ZNF652: variants seen among roughly 807,000 people sequenced by gnomAD.
ZNF652 encodes the protein zinc finger protein 652.
In ZNF652, 16 loss-of-function variants were observed where a neutral mutation model predicts 45.2. The ratio of observed to expected loss-of-function variants is 0.35; its 90% CI spans 0.24 to 0.54. The LOEUF is 0.54. ZNF652 is among the 20% of genes least tolerant of loss of function. The pLI, the probability that ZNF652 is intolerant of heterozygous loss-of-function variation, is 0.91. For missense variants in ZNF652, 614 were observed against 765.6 expected (o/e 0.80, Z 2.34); for synonymous variants, 250 against 260.6 (o/e 0.96, Z 0.39).
Position 49,311,594 on chromosome 17 carries a change from T to A in ZNF652, c.1165-138A>T, listed in dbSNP as rs899450870. ...GCTTGTGTCAGCTATTTGGCTTTGC[T>A]ATATTTCTGCAGGTGAGTTACTAAT... On this transcript the variant is annotated intron_variant, in intron 4 of 5. Transcript: ENST00000430262. The A allele has an allele frequency of 5.1e-6, 5 of 988,484 alleles. No individual in the cohort carries two copies. The African/African-American group carries it at 8.1e-5, about 16-fold the overall frequency. 61.2% of individuals were successfully genotyped at this position (988,484 alleles called of 1,614,324 possible).
chr17:49,312,616 A>C, intron 3 of ZNF652, 82 bp downstream of exon 3: 2 of 1,479,222 alleles, frequency 1.4e-6, no homozygotes, highest in Non-Finnish European at 1.8e-6. Context: ...GCAATTCCTC[A>C]TATCCTGCCC....
Position 49,351,014 on chromosome 17 carries a change from TACACACACACACACACACACACAC to T in ZNF652, c.-259+10871_-259+10894del, listed in dbSNP as rs370792940. ...ATATATATATATATATATATATATA[TACACACACACACACACACACACAC>T]ACACACACACACACACATATTTTTA... On this transcript the variant is annotated intron_variant, in intron 1 of 5. Transcript: ENST00000430262. Among the ~76,000 whole-genome samples, 3 of 29,732 alleles carry T rather than the reference TACACACACACACACACACACACAC, an allele frequency of 1.0e-4. 1 individual carries two copies. Among genetic ancestry groups the T allele is most frequent in the African/African-American group, 3.4e-4 (3 of 8,946 alleles). The allele number at this position is 29,732 out of a possible 152,430, so 19.5% of individuals were successfully genotyped here. A position where few individuals can be genotyped will look rare whatever the true frequency, so the allele number is the denominator to read the frequency against.
chr17:49,303,017 T>C (rs2069575727), intron 5 of ZNF652, among the ~76,000 whole-genome samples: 1 of 151,188 alleles, frequency 6.6e-6, no homozygotes, highest in African/African-American at 2.4e-5. Flanking sequence ...CTTTTAAAAA[T>C]ATATATACAT....
rs1367813716 is a variant in ZNF652 at position 49,342,561 on chromosome 17, G to A, written c.-259+19348C>T. ...ATGCCAGATAACAGATAAAGGGGGG[G>A]GGGGGGGGGGAATCAATACATTTTC... On this transcript the variant is annotated intron_variant, in intron 1 of 5. Coordinates refer to ENST00000430262, the MANE Select transcript of ZNF652 (RefSeq NM_001145365.3). Among the ~76,000 whole-genome samples, 15 of 139,900 alleles carry A rather than the reference G, an allele frequency of 1.1e-4. 1 individual carries two copies. The highest frequency in any genetic ancestry group is 5.6e-4 in the South Asian group (2 of 3,566). 91.8% of individuals were successfully genotyped at this position (139,900 alleles called of 152,430 possible).
At chr17:49,310,102 C>CA (rs1490044018) in intron 5 of ZNF652, among the ~76,000 whole-genome samples, 1 of 152,166 alleles carries the variant, frequency 6.6e-6, no homozygotes, top group East Asian at 1.9e-4. Flanking sequence ...CACAGGCGCC[C>CA]ACCACCATGC....
Position 49,298,517 on chromosome 17 carries a change from G to A in ZNF652, c.1717C>T (p.Pro573Ser). ...GGCTCACTCTTAAAGAGAGCTGGAG[G>A]TGGCGGGAGGTGAGGGACTGGAGGG... is the stretch of plus-strand genomic sequence containing the variant. Reference protein sequence around the residue: ...PIPPVPHLPPPPALFKSEPLN... With the variant: ...PIPPVPHLPPSPALFKSEPLN... Residue 573 changes from proline (P) to serine (S), a missense_variant, in exon 6 of 6, where the codon CCT (proline) becomes TCT (serine). Pro to Ser is a moderately conservative substitution (Grantham distance 74). Around this residue, in one of 5 missense-constraint regions of ZNF652, gnomAD observed 132 missense variants for 137.2 expected, o/e 0.96. Coordinates refer to ENST00000430262, the MANE Select transcript of ZNF652 (RefSeq NM_001145365.3). 6.2e-7 allele frequency: 1 copy of A among 1,612,888 alleles called. No individual in the cohort carries two copies. Among genetic ancestry groups the A allele is most frequent in the East Asian group, 2.2e-5 (1 of 44,856 alleles).
chr17:49,333,545 TA>T (rs1182199037), intron 1 of ZNF652, among the ~76,000 whole-genome samples: 1,344 of 48,068 alleles, frequency 0.028, 48 homozygotes, highest in African/African-American at 0.12. Flanking sequence ...CTGTCTCTAC[TA>T]AAAAAAAAAA....
chr17:49,328,922 T>C (rs1376093487), intron 1 of ZNF652, among the ~76,000 whole-genome samples: 1 of 152,262 alleles, frequency 6.6e-6, no homozygotes, highest in Non-Finnish European at 1.5e-5. Flanking sequence ...TTCTAACTCC[T>C]AGTCCAAGTT....
chr17:49,355,084 T>C (rs762380446), intron 1 of ZNF652, among the ~76,000 whole-genome samples: 8 of 152,106 alleles, frequency 5.3e-5, no homozygotes, highest in Non-Finnish European at 1.2e-4. Flanking sequence ...CATCAACCAA[T>C]TGATTGACAG....
rs1321991366 is a variant in ZNF652 at position 49,294,433 on chromosome 17, G to A, written c.*3980C>T. On this transcript the variant is annotated 3_prime_UTR_variant, in exon 6 of 6. Coordinates refer to ENST00000430262, the MANE Select transcript of ZNF652 (RefSeq NM_001145365.3). ...TTTGAACTAAAGTTTTTTTTGTGGC[G>A]ATCTCCCCTCTTGCTAAAAATAAGA... 3 of 151,930 alleles carry A rather than the reference G, an allele frequency of 2.0e-5. No homozygotes were observed. Among genetic ancestry groups the A allele is most frequent in the African/African-American group, 7.3e-5 (3 of 41,374 alleles). 9.4% of individuals were successfully genotyped at this position (151,930 alleles called of 1,614,324 possible).
chr17:49,291,783 G>A lies in ZNF652; in HGVS notation c.*6630C>T, dbSNP rs139849448. 1.1e-4 allele frequency: 16 copies of A among 152,314 alleles called. No individual in the cohort carries two copies. The highest frequency in any genetic ancestry group is 3.1e-4 in the African/African-American group (13 of 41,578). The allele number at this position is 152,314 out of a possible 1,614,324, so 9.4% of individuals were successfully genotyped here. On this transcript the variant is annotated 3_prime_UTR_variant, in exon 6 of 6. Transcript: ENST00000430262. ...AAACTTCTAGATCAATAATGAGGAA[G>A]AAACATCATGGCAAATCAAGTGAAA...
intron 1 of ZNF652, among the ~76,000 whole-genome samples, chr17:49,318,833 A>G (rs1213929418): frequency 6.6e-6 from 1 of 152,248 alleles, no homozygotes; most frequent in African/African-American, 2.4e-5. Flanking sequence ...GCTAATTGAC[A>G]TAACTATAGA....
chr17:49,312,781 T>C lies in ZNF652; in HGVS notation c.965A>G (p.His322Arg), dbSNP rs2069734780. The C allele has an allele frequency of 6.2e-7, 1 of 1,614,184 alleles. No individual in the cohort carries two copies. The highest frequency in any genetic ancestry group is 8.5e-7 in the Non-Finnish European group (1 of 1,179,998). Residue 322 changes from histidine (H) to arginine (R), a missense_variant, in exon 3 of 6, where the codon CAT becomes CGT. Transcript: ENST00000430262. ...WSLHEHIKIV[H>R]GYAEKKFSCE... is the part of the protein sequence containing the mutation. ...GGAAAATTTCTTTTCTGCATATCCA[T>C]GGACGATCTTGATATGTTCATGAAG...
chr17:49,327,942 A>G (rs988529019), intron 1 of ZNF652, among the ~76,000 whole-genome samples: 2 of 151,610 alleles, frequency 1.3e-5, no homozygotes, highest in African/African-American at 2.4e-5. Flanking sequence ...AAAACACAGT[A>G]TAGCAGTTAA....
chr17:49,333,698 C>T (rs1206902917), intron 1 of ZNF652, among the ~76,000 whole-genome samples: 9 of 127,230 alleles, frequency 7.1e-5, no homozygotes, highest in East Asian at 2.2e-4. Context: ...CCAGCCTGGG[C>T]GACAGAGTGA....
intron 3 of ZNF652, among the ~76,000 whole-genome samples, chr17:49,312,363 G>A (rs750776383): frequency 6.6e-6 from 1 of 151,638 alleles, no homozygotes; most frequent in African/African-American, 2.4e-5. Context: ...ACAGGGTTTC[G>A]CCACGTTTGC....
At chr17:49,352,758 G>T (rs2070295585) in intron 1 of ZNF652, among the ~76,000 whole-genome samples, 1 of 152,154 alleles carries the variant, frequency 6.6e-6, no homozygotes, top group African/African-American at 2.4e-5. Context: ...GAATGTACGT[G>T]ATCTGTGGTA....
At chr17:49,336,688 G>A (rs1598307187) in intron 1 of ZNF652, among the ~76,000 whole-genome samples, 4 of 150,238 alleles carry the variant, frequency 2.7e-5, no homozygotes, top group Middle Eastern at 6.8e-3. Context: ...GTACAAAGAC[G>A]CAATCTCGGC....
intron 5 of ZNF652, among the ~76,000 whole-genome samples, chr17:49,307,669 T>C (rs562177172): frequency 2.0e-5 from 3 of 151,462 alleles, no homozygotes; most frequent in Admixed American, 6.6e-5. Context: ...GGAGAATCGC[T>C]TGAACATGGG....
Sources: allele counts gnomAD v4.1 joint callset (sites outside exome capture counted in the v4.1 genomes callset), GRCh38; gene constraint gnomAD v4.1.1; regional missense constraint gnomAD v4.1.1; transcripts MANE v1.5; gene names NCBI Gene and HGNC (gene_info 2026-07-23, HGNC 2026-07-21).